Variants in HUNK observed in about 807,000 individuals in gnomAD.
The protein encoded by HUNK is hormonally up-regulated neu tumor-associated kinase.
In HUNK, 21 loss-of-function variants were observed where a neutral mutation model predicts 61.0. The observed-to-expected ratio is 0.34, with a 90% CI of 0.24 to 0.50. The LOEUF (loss-of-function observed/expected upper bound fraction) is 0.50, where lower values mean the gene tolerates loss of function less well. Among genes scored for constraint, HUNK ranks in the 20% least tolerant of loss-of-function variants. HUNK has a pLI of 0.98. For missense variants in HUNK, 772 were observed against 945.7 expected, an observed-to-expected ratio of 0.82 and a Z score of 2.41; for synonymous variants, 371 against 386.1, an observed-to-expected ratio of 0.96 and a Z score of 0.46.
intron 1 of HUNK, among the ~76,000 whole-genome samples, chr21:31,912,875 T>A (rs996098112): frequency 1.3e-5 from 2 of 152,162 alleles, no homozygotes; most frequent in African/African-American, 2.4e-5. Flanking sequence ...ATAGCACTCA[T>A]ATTTGATTTA....
chr21:31,950,944 T>G (rs1408311129), intron 4 of HUNK, among the ~76,000 whole-genome samples: 1 of 152,056 alleles, frequency 6.6e-6, no homozygotes, highest in African/African-American at 2.4e-5. Flanking sequence ...GAGATAGATT[T>G]AGGAAGAAAA....
At chr21:31,900,443 T>G (rs553936999) in intron 1 of HUNK, among the ~76,000 whole-genome samples, 2 of 58,174 alleles carry the variant, frequency 3.4e-5, no homozygotes, top group African/African-American at 1.9e-4. Flanking sequence ...TCTTAGTTAC[T>G]GAAACACACA....
intron 3 of HUNK, among the ~76,000 whole-genome samples, chr21:31,945,535 G>A (rs549504758): frequency 1.3e-5 from 2 of 152,250 alleles, no homozygotes; most frequent in African/African-American, 2.4e-5. Context: ...TTCATGAAAC[G>A]AAAACATTCA....
intron 7 of HUNK, among the ~76,000 whole-genome samples, chr21:31,977,584 C>T (rs780311456): frequency 2.1e-4 from 32 of 152,190 alleles, no homozygotes; most frequent in Non-Finnish European, 4.0e-4. Context: ...TTTACTTCCA[C>T]ATTTAGAGAT....
chr21:31,964,903 G>A (rs2052952586), intron 5 of HUNK, among the ~76,000 whole-genome samples: 1 of 152,160 alleles, frequency 6.6e-6, no homozygotes. Context: ...CTGGCCTGTT[G>A]CCCAAGTCTT....
Position 31,998,888 on chromosome 21 carries a change from C to G in HUNK, c.1849C>G (p.Pro617Ala), listed in dbSNP as rs566122950. The G allele has an allele frequency of 6.2e-7, 1 of 1,614,212 alleles. No homozygotes were observed. The highest frequency in any genetic ancestry group is 1.7e-5 in the Admixed American group (1 of 60,022). ...SMSPLHTPLHPTLVSFAHEDK... is the reference protein window; with the variant it reads ...SMSPLHTPLHATLVSFAHEDK... ...GTCGCCTCTCCATACTCCTTTGCATCCAACTCTGGTCTCTTTTGCTCACGA... is the reference window on the plus strand; with the variant it reads ...GTCGCCTCTCCATACTCCTTTGCATGCAACTCTGGTCTCTTTTGCTCACGA... Residue 617 changes from proline to alanine, a missense_variant, in exon 11 of 11, where the codon CCA (proline) becomes GCA (alanine). Physicochemically the swap from Pro to Ala is conservative, Grantham distance 27. Transcript: ENST00000270112.
chr21:31,897,744 A>G (rs1429581370), intron 1 of HUNK, among the ~76,000 whole-genome samples: 1 of 152,224 alleles, frequency 6.6e-6, no homozygotes, highest in African/African-American at 2.4e-5. Context: ...AGCAAGAGAC[A>G]GGCAAAGGCC....
chr21:31,923,246 C>G (rs1392856197), intron 1 of HUNK, among the ~76,000 whole-genome samples: 1 of 152,028 alleles, frequency 6.6e-6, no homozygotes, highest in Non-Finnish European at 1.5e-5. Context: ...AGTTCAAGAC[C>G]AGCCTGGGCC....
intron 5 of HUNK, among the ~76,000 whole-genome samples, chr21:31,959,567 G>C (rs991203673): frequency 2.6e-5 from 4 of 152,158 alleles, no homozygotes; most frequent in East Asian, 1.9e-4. Context: ...TTAAGGTTTG[G>C]TTTCAGATCC....
rs536729066 is a variant in HUNK at position 31,879,687 on chromosome 21, G to A, written c.261+5752G>A. On this transcript the variant is annotated intron_variant, in intron 1 of 10. Coordinates refer to ENST00000270112, the MANE Select transcript of HUNK (RefSeq NM_014586.2). ...GCTGCCAGCTATTGGAGGTCAGCGC[G>A]GCAATCATCTGTCCCAGGGTTTATC... is the stretch of plus-strand genomic sequence containing the variant. Among the ~76,000 whole-genome samples, 30 of 152,276 alleles carry A rather than the reference G, an allele frequency of 2.0e-4. 1 individual carries two copies. Among genetic ancestry groups the A allele is most frequent in the African/African-American group, 6.7e-4 (28 of 41,554 alleles).
rs1238931165 is a variant in HUNK, at chr21:31,924,123, T to G, written c.262-345T>G. Among the ~76,000 whole-genome samples the G allele has an allele frequency of 6.6e-6, 1 of 152,170 alleles. No homozygotes were observed. The highest frequency in any genetic ancestry group is 2.4e-5 in the African/African-American group (1 of 41,436). ...CCTTTGCTGGAAGAGAAATTGTTAT[T>G]TCATCTTCCCATCCTGTAGAAAAAT... On this transcript the variant is annotated intron_variant, in intron 1 of 10. Coordinates refer to ENST00000270112, the MANE Select transcript of HUNK (RefSeq NM_014586.2). The surrounding 1 kb of genome is among the most constrained non-coding windows in gnomAD (Gnocchi z 5.1).
rs370219925 is a variant in HUNK at position 31,983,617 on chromosome 21, A to T, written c.1257+8A>T. Reference sequence around the variant, plus strand: ...CCCAAGGAGTCCTATGAGGTGAGTGACCCCTGAAGCAAACCTCAGGGTCTC... The same window carrying T: ...CCCAAGGAGTCCTATGAGGTGAGTGTCCCCTGAAGCAAACCTCAGGGTCTC... On this transcript the variant is annotated splice_region_variant and intron_variant, in intron 8 of 10. Transcript: ENST00000270112. 5 of 1,598,942 alleles carry T rather than the reference A, an allele frequency of 3.1e-6. No homozygotes were observed. In the South Asian group the frequency reaches 3.3e-5, roughly 11 times the overall value.
intron 5 of HUNK, among the ~76,000 whole-genome samples, chr21:31,961,528 T>C (rs56175155): frequency 0.024 from 3,594 of 152,338 alleles, 152 homozygotes; most frequent in African/African-American, 0.081. Flanking sequence ...AATATGTGCA[T>C]GATCTCTGCA....
chr21:31,885,670 C>T (rs2123789878), intron 1 of HUNK, among the ~76,000 whole-genome samples: 1 of 152,308 alleles, frequency 6.6e-6, no homozygotes, highest in African/African-American at 2.4e-5. Flanking sequence ...CTGTCTTCTT[C>T]CTGTGTCTCT....
Position 31,995,887 on chromosome 21 carries a change from T to G in HUNK, c.1425T>G (p.Ile475Met), listed in dbSNP as rs1301586300. The change falls in exon 10 of 11, where the codon ATT (isoleucine) becomes ATG (methionine). Residue 475 changes from isoleucine (I) to methionine (M), a missense_variant. By Grantham distance (10) the Ile-to-Met change is conservative (BLOSUM62 1). Coordinates refer to ENST00000270112, the MANE Select transcript of HUNK (RefSeq NM_014586.2). ...KQPSGSLMTQ[I>M]QNTKALLKDR... ...CCTCAGGCTCGCTTATGACACAGAT[T>G]CAGAACACCAAAGCCCTCCTGAAGG... The G allele has an allele frequency of 1.2e-6, 2 of 1,614,132 alleles. No individual in the cohort carries two copies. The highest frequency in any genetic ancestry group is 1.7e-5 in the Admixed American group (1 of 60,018).
intron 1 of HUNK, among the ~76,000 whole-genome samples, chr21:31,902,188 G>C (rs1403947557): frequency 6.6e-6 from 1 of 152,158 alleles, no homozygotes; most frequent in Non-Finnish European, 1.5e-5. Context: ...TTTTTACAGA[G>C]GGGAAACTTT....
chr21:31,924,615 T>C lies in HUNK; in HGVS notation c.409T>C (p.Tyr137His). 6.2e-7 allele frequency: 1 copy of C among 1,614,226 alleles called. No individual in the cohort carries two copies. The highest frequency in any genetic ancestry group is 8.5e-7 in the Non-Finnish European group (1 of 1,180,024). ...TATTTTAGAAACGGAAAACAGCTACTACCTGGTCATGGAGCTGTGCCCTGG... is the reference window on the plus strand; with the variant it reads ...TATTTTAGAAACGGAAAACAGCTACCACCTGGTCATGGAGCTGTGCCCTGG... The part of the protein sequence containing the change: ...LDILETENSY[Y>H]LVMELCPGGN... The change falls in exon 2 of 11, where the codon TAC (tyrosine) becomes CAC (histidine). Residue 137 changes from tyrosine to histidine, a missense_variant. Tyr to His is a moderately conservative substitution (Grantham distance 83). This residue lies in a region of HUNK where 359 missense variants were observed against 501.3 expected (regional missense o/e 0.72). Coordinates refer to ENST00000270112, the MANE Select transcript of HUNK (RefSeq NM_014586.2). The surrounding 1 kb of genome is among the most constrained non-coding windows in gnomAD (Gnocchi z 5.1).
At chr21:31,900,762 G>A (rs571050182) in intron 1 of HUNK, among the ~76,000 whole-genome samples, 11 of 152,312 alleles carry the variant, frequency 7.2e-5, no homozygotes, top group South Asian at 4.1e-4. Context: ...GACTGGACAC[G>A]GAGTGGTTGG....
chr21:31,907,273 A>G (rs1393403543), intron 1 of HUNK, among the ~76,000 whole-genome samples: 1 of 152,218 alleles, frequency 6.6e-6, no homozygotes, highest in African/African-American at 2.4e-5. Context: ...ATGAAAAAAA[A>G]ATGCAAAATA....
Sources: gnomAD v4.1 joint callset for allele counts (sites outside exome capture counted in the v4.1 genomes callset) on GRCh38, gnomAD v4.1.1 for gene constraint, gnomAD v4.1.1 regional missense constraint, Gnocchi (gnomAD v3.1) non-coding constraint, MANE v1.5 for transcripts, NCBI Gene and HGNC (gene_info 2026-07-23, HGNC 2026-07-21) for gene names.